Variants in ZC3H14 observed in about 807,000 individuals in gnomAD.
ZC3H14 encodes zinc finger CCCH domain-containing protein 14.
In ZC3H14, 31 loss-of-function variants were observed where a neutral mutation model predicts 92.4. That is an observed-to-expected ratio of 0.34 (90% CI 0.25 to 0.45). The LOEUF is 0.45. ZC3H14 is among the 20% of genes least tolerant of loss of function. The probability of loss-of-function intolerance (pLI) is 1.00; values close to 1 mark genes in which losing one functional copy is unlikely to be tolerated. For missense variants in ZC3H14, 781 were observed against 897.3 expected (o/e 0.87, Z 1.66); for synonymous variants, 321 against 300.9 (o/e 1.07, Z -0.69).
Position 88,616,908 on chromosome 14 carries a change from T to C in ZC3H14, c.*5157T>C, listed in dbSNP as rs370993837. On this transcript the variant is annotated 3_prime_UTR_variant, in exon 17 of 17. Coordinates refer to ENST00000251038, the MANE Select transcript of ZC3H14 (RefSeq NM_024824.5). Reference sequence around the variant, plus strand: ...GAGGGAAGGAACAAAAGAAAACTCATCATGGCAAGTGCGGGCAGGTTGACT... The same window carrying C: ...GAGGGAAGGAACAAAAGAAAACTCACCATGGCAAGTGCGGGCAGGTTGACT... 3 of 1,609,394 alleles carry C rather than the reference T, an allele frequency of 1.9e-6. No homozygotes were observed. The highest frequency in any genetic ancestry group is 8.5e-7 in the Non-Finnish European group (1 of 1,177,248).
intron 8 of ZC3H14, among the ~76,000 whole-genome samples, 164 bp from the exon 9 acceptor site, chr14:88,577,821 T>G (rs541899869): frequency 2.8e-4 from 43 of 152,224 alleles, no homozygotes; most frequent in African/African-American, 1.0e-3. Flanking sequence ...CCACCCACCT[T>G]GCCTCCCAAA....
chr14:88,590,915 GGTTTTGCCT>G (rs1412880341), intron 9 of ZC3H14: 1 of 149,368 alleles, frequency 6.7e-6, no homozygotes. Flanking sequence ...GCTCATTTGT[GGTTTTGCCT>G]GCTGTGCCTT....
At chr14:88,586,177 A>C (rs760186484) in intron 9 of ZC3H14, among the ~76,000 whole-genome samples, 1 of 152,256 alleles carries the variant, frequency 6.6e-6, no homozygotes, top group Non-Finnish European at 1.5e-5. Flanking sequence ...CAAAAAAAAT[A>C]AGTAAAATAA....
chr14:88,579,941 G>C (rs2081672348), intron 9 of ZC3H14, among the ~76,000 whole-genome samples: 1 of 152,244 alleles, frequency 6.6e-6, no homozygotes, highest in Non-Finnish European at 1.5e-5. Context: ...GCTGGGTGCA[G>C]TGGCTCATGC....
chr14:88,571,050 A>T, intron 3 of ZC3H14, 34 bp from the exon 4 acceptor site: 1 of 1,503,328 alleles, frequency 6.7e-7, no homozygotes, highest in Non-Finnish European at 8.9e-7. Context: ...TTCTTAACAG[A>T]AGGTTTATTT....
intron 4 of ZC3H14, 42 bp downstream of exon 4, chr14:88,571,166 G>T (rs1389308161): frequency 2.0e-6 from 3 of 1,506,776 alleles, no homozygotes; most frequent in Admixed American, 3.7e-5. Flanking sequence ...GCTTGCTATG[G>T]CATATGATTT....
At chr14:88,563,600 G>GT (rs2079168971) in intron 1 of ZC3H14, 51 bp from the exon 2 acceptor site, 1 of 1,608,546 alleles carries the variant, frequency 6.2e-7, no homozygotes, top group Non-Finnish European at 8.5e-7. Flanking sequence ...GTCCGGTCTT[G>GT]TTTTCCTAGA....
At position 88,602,852 on chromosome 14, in the gene ZC3H14, T is replaced by C. The variant is rs148234290; in HGVS notation, c.1539T>C (p.Pro513=). Residue 513 remains proline (P), a synonymous_variant, in exon 12 of 17, where the codon CCT becomes CCC. Transcript: ENST00000251038. ...QTRDLVQPDK[P]ASPKFIVTLD... is the part of the protein sequence containing the mutation. ...GAGATCTTGTACAACCAGATAAACC[T>C]GCAAGTCCCAAGTTTATAGTGACGC... 1.0e-4 allele frequency: 164 copies of C among 1,614,032 alleles called. No homozygotes were observed. Among genetic ancestry groups the C allele is most frequent in the Non-Finnish European group, 1.4e-4 (160 of 1,180,030 alleles).
At position 88,607,299 on chromosome 14, in the gene ZC3H14, A is replaced by C; in HGVS notation, c.1804A>C (p.Lys602Gln). 1 of 1,614,036 alleles carries C rather than the reference A, an allele frequency of 6.2e-7. No individual in the cohort carries two copies. Among genetic ancestry groups the C allele is most frequent in the Non-Finnish European group, 8.5e-7 (1 of 1,179,972 alleles). ...ACCAGAAAAACTTTTGGAGCGCTGC[A>C]AGTACTGGCCTGCTTGTAAAAATGG... ...QKPEKLLERC[K>Q]YWPACKNGDE... is the part of the protein sequence containing the mutation. The change falls in exon 13 of 17, where the codon AAG becomes CAG. Residue 602 changes from lysine (K) to glutamine (Q), a missense_variant. Lys to Gln is a moderately conservative substitution (Grantham distance 53, BLOSUM62 1). This residue lies in a region of ZC3H14 where 221 missense variants were observed against 304.7 expected (regional missense o/e 0.73). Coordinates refer to ENST00000251038, the MANE Select transcript of ZC3H14 (RefSeq NM_024824.5).
chr14:88,568,759 T>G (rs1285125795), intron 3 of ZC3H14, among the ~76,000 whole-genome samples: 1 of 152,248 alleles, frequency 6.6e-6, no homozygotes, highest in Non-Finnish European at 1.5e-5. Context: ...GCCACTTGCT[T>G]TATAAAATTA....
At chr14:88,577,847 G>T in intron 8 of ZC3H14, 138 bp from the exon 9 acceptor site, 1 of 1,087,956 alleles carries the variant, frequency 9.2e-7, no homozygotes, top group South Asian at 1.4e-5. Flanking sequence ...GAGATTACAG[G>T]CATGAGCCAC....
chr14:88,581,734 G>C (rs2081937088), intron 9 of ZC3H14, among the ~76,000 whole-genome samples: 1 of 152,062 alleles, frequency 6.6e-6, no homozygotes, highest in Non-Finnish European at 1.5e-5. Flanking sequence ...CAACTTAGAG[G>C]TTTCCATTGG....
In ZC3H14 at chr14:88,626,738, G is replaced by T. The variant is rs1011496859; in HGVS notation, c.*14987G>T. On this transcript the variant is annotated 3_prime_UTR_variant, in exon 17 of 17. Coordinates refer to ENST00000251038, the MANE Select transcript of ZC3H14 (RefSeq NM_024824.5). ...TGACCAGGGCATGTAATGATTAGCAGATCACAGTATCATCTCAACAACATT... is the reference window on the plus strand; with the variant it reads ...TGACCAGGGCATGTAATGATTAGCATATCACAGTATCATCTCAACAACATT... The T allele has an allele frequency of 2.5e-6, 3 of 1,185,606 alleles. No homozygotes were observed. The highest frequency in any genetic ancestry group is 3.6e-6 in the Non-Finnish European group (3 of 832,638). 73.4% of individuals were successfully genotyped at this position (1,185,606 alleles called of 1,614,324 possible).
At chr14:88,594,899 C>A (rs1168088299) in intron 9 of ZC3H14, 1 of 1,613,824 alleles carries the variant, frequency 6.2e-7, no homozygotes, top group South Asian at 1.1e-5. Flanking sequence ...GGAATGAAAG[C>A]AGCTATTTTG....
At position 88,609,787 on chromosome 14, in the gene ZC3H14, C is replaced by T. The variant is rs2086239785; in HGVS notation, c.2081C>T (p.Pro694Leu). 6.2e-7 allele frequency: 1 copy of T among 1,613,876 alleles called. No homozygotes were observed. Among genetic ancestry groups the T allele is most frequent in the African/African-American group, 1.3e-5 (1 of 74,858 alleles). The part of the protein sequence containing the change: ...YFPACKKMEC[P>L]FYHPKHCRFN... ...CCTGCTTGTAAGAAGATGGAATGTC[C>T]CTTCTATCATCCAAAAGTAAGAACT... The change falls in exon 15 of 17, where the codon CCC becomes CTC. Residue 694 changes from proline (P) to leucine (L), a missense_variant. Physicochemically the swap from Pro to Leu is moderately conservative, Grantham distance 98 (BLOSUM62 -3). Around this residue, in one of 3 missense-constraint regions of ZC3H14, gnomAD observed 221 missense variants for 304.7 expected, o/e 0.73. Coordinates refer to ENST00000251038, the MANE Select transcript of ZC3H14 (RefSeq NM_024824.5).
chr14:88,566,813 G>A (rs1378863145), intron 2 of ZC3H14, among the ~76,000 whole-genome samples: 2 of 151,756 alleles, frequency 1.3e-5, no homozygotes, highest in South Asian at 2.1e-4. Context: ...CCAGCTACTC[G>A]GGAGGCTGAG....
chr14:88,570,461 G>GT (rs1277034542), intron 3 of ZC3H14, among the ~76,000 whole-genome samples: 1 of 152,194 alleles, frequency 6.6e-6, no homozygotes, highest in African/African-American at 2.4e-5. Context: ...ATATAGCATA[G>GT]TTTGAGATTA....
At chr14:88,571,227 C>A in intron 4 of ZC3H14, 103 bp downstream of exon 4, 1 of 1,049,666 alleles carries the variant, frequency 9.5e-7, no homozygotes, top group South Asian at 1.7e-5. Flanking sequence ...AATTTCAAAA[C>A]GGTTCATTTG....
chr14:88,600,249 G>A (rs1383379132), intron 10 of ZC3H14, among the ~76,000 whole-genome samples: 2 of 152,212 alleles, frequency 1.3e-5, no homozygotes, highest in Non-Finnish European at 2.9e-5. Context: ...TCCCAGGATG[G>A]AGCATGTCTT....
Sources: allele counts gnomAD v4.1 joint callset (sites outside exome capture counted in the v4.1 genomes callset), GRCh38; gene constraint gnomAD v4.1.1; regional missense constraint gnomAD v4.1.1; transcripts MANE v1.5; gene names NCBI Gene and HGNC (gene_info 2026-07-23, HGNC 2026-07-21).